LMO7: variants seen among roughly 807,000 people sequenced by gnomAD.
LMO7 encodes LIM domain only protein 7.
A neutral mutation model predicts 206.5 loss-of-function variants in LMO7; 120 were observed. The ratio of observed to expected loss-of-function variants is 0.58; its 90% CI spans 0.50 to 0.68. The LOEUF is 0.68. Ranked by LOEUF, LMO7 falls within the 30% of genes least tolerant of loss-of-function variation. The pLI is 0.00. For synonymous variants in LMO7, 706 were observed against 681.5 expected (o/e 1.04, Z -0.56); for missense variants, 1,959 against 1,957.9 (o/e 1.00, Z -0.01).
chr13:75,838,086 C>A, intron 19 of LMO7, 54 bp from the exon 20 acceptor site: 1 of 1,064,094 alleles, frequency 9.4e-7, no homozygotes, highest in Non-Finnish European at 1.5e-6. Flanking sequence ...GTTTAATTTA[C>A]CAATGGTGAG....
chr13:75,818,483 A>G (rs949921275), intron 12 of LMO7, among the ~76,000 whole-genome samples: 3 of 152,166 alleles, frequency 2.0e-5, no homozygotes, highest in African/African-American at 7.2e-5. Context: ...GGAGACATGG[A>G]AAACTTTATA....
intron 1 of LMO7, among the ~76,000 whole-genome samples, chr13:75,661,594 G>A (rs1042294107): frequency 2.6e-5 from 4 of 152,156 alleles, no homozygotes; most frequent in Admixed American, 2.6e-4. Flanking sequence ...TAAGTCACCA[G>A]GCATGAGTTC....
At chr13:75,697,175 G>A (rs1192122817) in intron 1 of LMO7, among the ~76,000 whole-genome samples, 3 of 152,010 alleles carry the variant, frequency 2.0e-5, no homozygotes, top group Non-Finnish European at 2.9e-5. Flanking sequence ...AAGGAGGTCG[G>A]GTGACTTCCT....
At position 75,646,510 on chromosome 13, in the gene LMO7, C is replaced by A. The variant is rs184137414; in HGVS notation, c.69+9784C>A. Reference sequence around the variant, plus strand: ...CCGGCTTGCCTATCTCATCTCCACCCCCACTCTTCGACTTGCTTACTGTGC... The same window carrying A: ...CCGGCTTGCCTATCTCATCTCCACCACCACTCTTCGACTTGCTTACTGTGC... On this transcript the variant is annotated intron_variant, in intron 1 of 30. Transcript: ENST00000377534. 4.2e-3 allele frequency among the ~76,000 whole-genome samples: 635 copies of A among 152,314 alleles called. 6 individuals are homozygous for A. Among genetic ancestry groups the A allele is most frequent in the Non-Finnish European group, 4.0e-3 (271 of 68,040 alleles).
At chr13:75,845,430 A>G in intron 26 of LMO7, 51 bp downstream of exon 26, 1 of 1,072,200 alleles carries the variant, frequency 9.3e-7, no homozygotes, top group Non-Finnish European at 1.4e-6. Flanking sequence ...TATTTGTGGT[A>G]TCATGTTATG....
intron 4 of LMO7, among the ~76,000 whole-genome samples, chr13:75,770,892 A>G (rs1855928166): frequency 6.6e-6 from 1 of 152,134 alleles, no homozygotes; most frequent in Non-Finnish European, 1.5e-5. Flanking sequence ...TTGGGCAGTA[A>G]TGAAGCTAGG....
At position 75,652,659 on chromosome 13, in the gene LMO7, A is replaced by G. The variant is rs951445307; in HGVS notation, c.69+15933A>G. Among the ~76,000 whole-genome samples the G allele has an allele frequency of 6.2e-3, 728 of 117,200 alleles. 7 individuals are homozygous for G. The highest frequency in any genetic ancestry group is 0.024 in the African/African-American group (677 of 28,380). 76.9% of individuals were successfully genotyped at this position (117,200 alleles called of 152,430 possible). On this transcript the variant is annotated intron_variant, in intron 1 of 30. Coordinates refer to ENST00000377534, the MANE Select transcript of LMO7 (RefSeq NM_001306080.2). ...TGTGTGTGTGTGTGTGTGTGTGTGT[A>G]TTTATTTTTAGGTGCACATCATAGA...
intron 2 of LMO7, chr13:75,623,465 G>A: frequency 1.8e-6 from 1 of 570,262 alleles, no homozygotes; most frequent in Non-Finnish European, 3.2e-6. Flanking sequence ...CCGGGTTCAA[G>A]TGATTCTCGT....
chr13:75,733,696 C>T (rs1228466808), intron 3 of LMO7, among the ~76,000 whole-genome samples: 1 of 152,228 alleles, frequency 6.6e-6, no homozygotes, highest in African/African-American at 2.4e-5. Context: ...GATGGAAATG[C>T]AGACATCACC....
At chr13:75,688,896 G>A (rs1188222268) in intron 1 of LMO7, 2 of 152,064 alleles carry the variant, frequency 1.3e-5, no homozygotes, top group East Asian at 3.9e-4. Flanking sequence ...CCTATGAGCT[G>A]CCTCTTTATT....
intron 4 of LMO7, among the ~76,000 whole-genome samples, chr13:75,768,830 A>G (rs1217569343): frequency 6.6e-6 from 1 of 152,084 alleles, no homozygotes; most frequent in Non-Finnish European, 1.5e-5. Flanking sequence ...TCGCAGTCAC[A>G]TTTTCCTCTT....
At chr13:75,672,066 C>T (rs764961315) in intron 1 of LMO7, among the ~76,000 whole-genome samples, 23 of 152,014 alleles carry the variant, frequency 1.5e-4, no homozygotes, top group Non-Finnish European at 3.2e-4. Flanking sequence ...GGCATCAGGA[C>T]TCCCTGCAGA....
chr13:75,793,020 G>A (rs1301468660), intron 4 of LMO7, among the ~76,000 whole-genome samples: 1 of 152,080 alleles, frequency 6.6e-6, no homozygotes, highest in Non-Finnish European at 1.5e-5. Flanking sequence ...TGAGGTCAGG[G>A]GTTCAAGAGA....
intron 3 of LMO7, among the ~76,000 whole-genome samples, chr13:75,739,967 C>G (rs769094553): frequency 1.3e-5 from 2 of 152,146 alleles, no homozygotes; most frequent in Non-Finnish European, 2.9e-5. Flanking sequence ...GGAAAAAGCC[C>G]ACTTCTCTTT....
chr13:75,756,696 G>A (rs781698386), intron 3 of LMO7, among the ~76,000 whole-genome samples: 3 of 152,146 alleles, frequency 2.0e-5, no homozygotes, highest in Admixed American at 6.5e-5. Context: ...CATGTTGGGA[G>A]TGTGGGAGCA....
chr13:75,788,403 G>A (rs373599387), intron 4 of LMO7, among the ~76,000 whole-genome samples: 4 of 142,916 alleles, frequency 2.8e-5, no homozygotes, highest in Non-Finnish European at 4.5e-5. Context: ...GCAATGAGCC[G>A]AGATTGTGCC....
chr13:75,831,522 G>A (rs2058667199), intron 15 of LMO7, among the ~76,000 whole-genome samples: 1 of 152,168 alleles, frequency 6.6e-6, no homozygotes, highest in Non-Finnish European at 1.5e-5. Flanking sequence ...ATAAAGAAAA[G>A]AGGAGGTTTA....
At chr13:75,639,301 A>G (rs1284716177) in intron 1 of LMO7, among the ~76,000 whole-genome samples, 1 of 152,216 alleles carries the variant, frequency 6.6e-6, no homozygotes, top group Non-Finnish European at 1.5e-5. Context: ...TTCAAATTGT[A>G]CTTATATACT....
intron 3 of LMO7, among the ~76,000 whole-genome samples, chr13:75,733,419 A>T (rs1334719892): frequency 6.6e-6 from 1 of 151,988 alleles, no homozygotes; most frequent in East Asian, 1.9e-4. Context: ...TGGGCGTAGG[A>T]CCCTCCGAGC....
Sources: gnomAD v4.1 joint callset for allele counts (sites outside exome capture counted in the v4.1 genomes callset) on GRCh38, gnomAD v4.1.1 for gene constraint, MANE v1.5 for transcripts, NCBI Gene and HGNC (gene_info 2026-07-23, HGNC 2026-07-21) for gene names.